LRP1B: variants seen among roughly 807,000 people sequenced by gnomAD.
LRP1B encodes the protein low-density lipoprotein receptor-related protein 1B.
LRP1B carries 217 observed loss-of-function variants against 556.6 expected under a neutral mutation model. The observed-to-expected ratio is 0.39, with a 90% confidence interval of 0.35 to 0.44. The LOEUF is 0.44. Among genes scored for constraint, LRP1B ranks in the 20% least tolerant of loss-of-function variants. The probability of loss-of-function intolerance (pLI) is 1.00; values close to 1 mark genes in which losing one functional copy is unlikely to be tolerated. For synonymous variants in LRP1B, 2,047 were observed against 1,865.8 expected, an observed-to-expected ratio of 1.10 and a Z score of -2.50; for missense variants, 5,053 against 5,620.8, an observed-to-expected ratio of 0.90 and a Z score of 3.23.
intron 18 of LRP1B, among the ~76,000 whole-genome samples, chr2:140,961,861 G>A (rs777016309): frequency 1.3e-5 from 2 of 152,046 alleles, no homozygotes; most frequent in Non-Finnish European, 2.9e-5. Flanking sequence ...CCAAGAAATG[G>A]CACTTAAACA....
At chr2:140,828,283 T>C (rs934674107) in intron 31 of LRP1B, among the ~76,000 whole-genome samples, 5 of 152,116 alleles carry the variant, frequency 3.3e-5, no homozygotes, top group African/African-American at 1.2e-4. Flanking sequence ...AAAATAACAT[T>C]GAATGTAAAT....
chr2:140,503,937 T>C (rs1323792406), intron 53 of LRP1B, among the ~76,000 whole-genome samples: 1 of 152,140 alleles, frequency 6.6e-6, no homozygotes, highest in Non-Finnish European at 1.5e-5. Context: ...ATTATCATAT[T>C]GGAATGGTTA....
At chr2:141,308,869 A>T (rs1678135809) in intron 3 of LRP1B, among the ~76,000 whole-genome samples, 1 of 152,202 alleles carries the variant, frequency 6.6e-6, no homozygotes, top group Non-Finnish European at 1.5e-5. Context: ...AAAAACTAAA[A>T]TAAATTTTAT....
At chr2:140,331,686 C>CATATATATATATATATATATATATAT (rs10571873) in intron 79 of LRP1B, among the ~76,000 whole-genome samples, 1 of 143,070 alleles carries the variant, frequency 7.0e-6, no homozygotes. Flanking sequence ...TATATATATA[C>CATATATATATATATATATATATATAT]ATATATATAT....
chr2:140,476,764 G>A (rs1687991682), intron 59 of LRP1B, among the ~76,000 whole-genome samples: 1 of 151,872 alleles, frequency 6.6e-6, no homozygotes, highest in Non-Finnish European at 1.5e-5. Flanking sequence ...CTAAACAAAA[G>A]GTGTAATGTT....
chr2:141,481,063 G>A (rs1411410720), intron 2 of LRP1B, among the ~76,000 whole-genome samples: 4 of 152,172 alleles, frequency 2.6e-5, no homozygotes, highest in Non-Finnish European at 4.4e-5. Context: ...ATGTATTTAT[G>A]TATGACTTCT....
intron 3 of LRP1B, among the ~76,000 whole-genome samples, chr2:141,406,544 TATC>T (rs1474824388): frequency 2.2e-5 from 3 of 134,008 alleles, no homozygotes; most frequent in African/African-American, 8.3e-5. Flanking sequence ...AGTATCTATC[TATC>T]ATCTATCTAT....
chr2:140,896,048 G>A (rs1041332643), intron 23 of LRP1B, among the ~76,000 whole-genome samples: 11 of 151,988 alleles, frequency 7.2e-5, no homozygotes, highest in Non-Finnish European at 1.0e-4. Context: ...TGAGGGTGGG[G>A]ACCTCACGGG....
intron 41 of LRP1B, among the ~76,000 whole-genome samples, chr2:140,620,208 C>A (rs1264297796): frequency 5.3e-5 from 8 of 152,152 alleles, no homozygotes; most frequent in Non-Finnish European, 8.8e-5. Context: ...AATAACAGTG[C>A]AAGGCCATTG....
intron 11 of LRP1B, among the ~76,000 whole-genome samples, chr2:141,043,488 A>G (rs1324037547): frequency 1.3e-5 from 2 of 151,884 alleles, no homozygotes; most frequent in African/African-American, 4.8e-5. Context: ...TGTATTATGT[A>G]AAACAGTGAC....
intron 32 of LRP1B, among the ~76,000 whole-genome samples, chr2:140,791,484 G>A (rs539604879): frequency 1.3e-3 from 192 of 151,882 alleles, no homozygotes; most frequent in African/African-American, 4.3e-3. Flanking sequence ...TGGACTTTCC[G>A]GCATTCTAGG....
At chr2:140,796,831 G>A (rs1222660704) in intron 32 of LRP1B, among the ~76,000 whole-genome samples, 1 of 152,072 alleles carries the variant, frequency 6.6e-6, no homozygotes, top group Non-Finnish European at 1.5e-5. Context: ...TGCAATACAA[G>A]TGTAACAATT....
intron 66 of LRP1B, among the ~76,000 whole-genome samples, chr2:140,398,420 A>T (rs557924990): frequency 6.6e-6 from 1 of 152,290 alleles, no homozygotes; most frequent in Non-Finnish European, 1.5e-5. Context: ...CACTCATACA[A>T]CACCTGGACA....
intron 43 of LRP1B, among the ~76,000 whole-genome samples, chr2:140,582,554 G>A (rs1256395147): frequency 6.6e-6 from 1 of 152,258 alleles, no homozygotes; most frequent in Admixed American, 6.5e-5. Flanking sequence ...TCATTAGCCC[G>A]TCCTTATACA....
intron 2 of LRP1B, among the ~76,000 whole-genome samples, chr2:141,636,210 T>C (rs766078143): frequency 6.6e-6 from 1 of 152,050 alleles, no homozygotes. Flanking sequence ...CTACTTAACG[T>C]TGGGAGTCAC....
intron 1 of LRP1B, among the ~76,000 whole-genome samples, chr2:142,003,038 G>A (rs1315027725): frequency 6.6e-6 from 1 of 152,210 alleles, no homozygotes; most frequent in African/African-American, 2.4e-5. Flanking sequence ...TAAAAATTCA[G>A]ATGATTAGAG....
At chr2:141,988,589 A>G (rs1208497566) in intron 1 of LRP1B, among the ~76,000 whole-genome samples, 1 of 151,984 alleles carries the variant, frequency 6.6e-6, no homozygotes, top group Non-Finnish European at 1.5e-5. Context: ...GAGTTTTCCC[A>G]TGTTCACAGT....
intron 3 of LRP1B, among the ~76,000 whole-genome samples, chr2:141,464,614 A>ATATATATAT (rs1682104217): frequency 3.1e-5 from 1 of 32,408 alleles, no homozygotes; most frequent in African/African-American, 5.9e-5. Flanking sequence ...ATATTTTTTT[A>ATATATATAT]GTAGAGATGG....
chr2:141,868,152 T>C (rs1698474111), intron 1 of LRP1B, among the ~76,000 whole-genome samples: 1 of 152,138 alleles, frequency 6.6e-6, no homozygotes, highest in Non-Finnish European at 1.5e-5. Flanking sequence ...TTGTTCTTTA[T>C]GACCAGACGC....
Sources: allele counts gnomAD v4.1 joint callset (sites outside exome capture counted in the v4.1 genomes callset), GRCh38; gene constraint gnomAD v4.1.1; transcripts MANE v1.5; gene names NCBI Gene and HGNC (gene_info 2026-07-23, HGNC 2026-07-21).